Variants in TDRD5 observed in about 807,000 individuals in gnomAD.
TDRD5 encodes tudor domain containing 5.
TDRD5 carries 41 observed loss-of-function variants against 120.6 expected under a neutral mutation model. That is an observed-to-expected ratio of 0.34 (90% CI 0.26 to 0.44). TDRD5 has a LOEUF of 0.44. Among genes scored for constraint, TDRD5 ranks in the 20% least tolerant of loss-of-function variants. The probability of loss-of-function intolerance (pLI) is 1.00; values close to 1 mark genes in which losing one functional copy is unlikely to be tolerated. For synonymous variants in TDRD5, 430 were observed against 433.7 expected (o/e 0.99, Z 0.11); for missense variants, 1,006 against 1,221.2 (o/e 0.82, Z 2.63).
Position 179,654,234 on chromosome 1 carries a change from C to T in TDRD5, c.2194C>T (p.Leu732Phe). ...DINDEKSLSH[L>F]KSESKEPLKD... The stretch of plus-strand genomic sequence containing the variant: ...TAATGATGAAAAGTCTTTAAGTCAT[C>T]TTAAATCTGAGTCAAAGGAGCCATT... Residue 732 changes from leucine to phenylalanine, a missense_variant, in exon 14 of 18, where the codon CTT becomes TTT. By Grantham distance (22) the Leu-to-Phe change is conservative. Around this residue, in one of 3 missense-constraint regions of TDRD5, gnomAD observed 403 missense variants for 448.1 expected, o/e 0.90. Transcript: ENST00000444136. 6.5e-7 allele frequency: 1 copy of T among 1,547,854 alleles called. No individual in the cohort carries two copies.
chr1:179,631,248 C>T (rs1677430749), intron 7 of TDRD5, among the ~76,000 whole-genome samples: 1 of 152,040 alleles, frequency 6.6e-6, no homozygotes, highest in Admixed American at 6.6e-5. Flanking sequence ...AAAAACTAGC[C>T]AGGCGTGGTG....
chr1:179,650,766 C>T, intron 11 of TDRD5, 101 bp from the exon 12 acceptor site: 1 of 1,206,898 alleles, frequency 8.3e-7, no homozygotes, highest in Non-Finnish European at 1.2e-6. Context: ...GGTTTTATTT[C>T]CACTTAAATC....
At chr1:179,643,301 TC>T (rs1315569168) in intron 11 of TDRD5, among the ~76,000 whole-genome samples, 1 of 152,220 alleles carries the variant, frequency 6.6e-6, no homozygotes, top group Non-Finnish European at 1.5e-5. Context: ...TGTTTACTAT[TC>T]AACTAAAAAT....
chr1:179,654,067 A>G, intron 13 of TDRD5, 134 bp from the exon 14 acceptor site: 1 of 676,460 alleles, frequency 1.5e-6, no homozygotes, highest in East Asian at 3.0e-5. Context: ...ACCTAGGATC[A>G]TGGATAAAGC....
At chr1:179,639,316 C>T (rs2102023483) in intron 9 of TDRD5, among the ~76,000 whole-genome samples, 1 of 152,186 alleles carries the variant, frequency 6.6e-6, no homozygotes, top group Middle Eastern at 3.4e-3. Context: ...GTTATTGGTT[C>T]CTAAGCTTAT....
At position 179,593,600 on chromosome 1, in the gene TDRD5, G is replaced by A. The variant is rs775241700; in HGVS notation, c.373G>A (p.Gly125Arg). Residue 125 changes from glycine to arginine, a missense_variant, in exon 3 of 18, where the codon GGA (glycine) becomes AGA (arginine). Around this residue, in one of 3 missense-constraint regions of TDRD5, gnomAD observed 445 missense variants for 515.5 expected, o/e 0.86. Coordinates refer to ENST00000444136, the MANE Select transcript of TDRD5 (RefSeq NM_001199085.3). ...ATCTCATCGGCGAGTACCTTACCGAGGAAGGGTTGCCCCTATTCTTCCAGC... is the reference window on the plus strand; with the variant it reads ...ATCTCATCGGCGAGTACCTTACCGAAGAAGGGTTGCCCCTATTCTTCCAGC... ...PRSHRRVPYR[G>R]RVAPILPAVV... 131 of 1,614,116 alleles carry A rather than the reference G, an allele frequency of 8.1e-5. No homozygotes were observed. Among genetic ancestry groups the A allele is most frequent in the Non-Finnish European group, 1.1e-4 (131 of 1,180,048 alleles).
chr1:179,637,911 A>G (rs1029319287), intron 9 of TDRD5, among the ~76,000 whole-genome samples: 31 of 152,230 alleles, frequency 2.0e-4, no homozygotes, highest in African/African-American at 7.2e-4. Context: ...TTCACAAAAG[A>G]GATAATTGAG....
At chr1:179,628,186 C>G (rs947939440) in intron 6 of TDRD5, among the ~76,000 whole-genome samples, 1 of 151,788 alleles carries the variant, frequency 6.6e-6, no homozygotes, top group African/African-American at 2.4e-5. Flanking sequence ...ATCATGTAAA[C>G]AGGATATATA....
chr1:179,619,195 C>A (rs1359584661), intron 5 of TDRD5, among the ~76,000 whole-genome samples: 1 of 152,178 alleles, frequency 6.6e-6, no homozygotes, highest in Non-Finnish European at 1.5e-5. Context: ...AAATTGCCCT[C>A]TAAAATGCTT....
intron 11 of TDRD5, among the ~76,000 whole-genome samples, 196 bp from the exon 12 acceptor site, chr1:179,650,671 C>A (rs1368778009): frequency 2.0e-5 from 3 of 152,066 alleles, no homozygotes; most frequent in Non-Finnish European, 2.9e-5. Context: ...TCAGTAATTA[C>A]ATTTTTTATC....
chr1:179,639,695 G>T, intron 9 of TDRD5, 144 bp from the exon 10 acceptor site: 2 of 722,880 alleles, frequency 2.8e-6, no homozygotes, highest in Non-Finnish European at 4.5e-6. Context: ...ACAATTAATT[G>T]GTATTAATGA....
At chr1:179,646,800 T>C (rs1321915369) in intron 11 of TDRD5, among the ~76,000 whole-genome samples, 3 of 152,076 alleles carry the variant, frequency 2.0e-5, no homozygotes, top group East Asian at 1.9e-4. Context: ...AGCATTCTTA[T>C]ACACCAACAA....
chr1:179,642,963 ATTGT>A (rs1252947146), intron 11 of TDRD5, among the ~76,000 whole-genome samples: 1 of 152,198 alleles, frequency 6.6e-6, no homozygotes, highest in African/African-American at 2.4e-5. Flanking sequence ...ATTATAAGAC[ATTGT>A]TTGGAAATGG....
At chr1:179,657,835 A>G (rs1679088567) in intron 14 of TDRD5, among the ~76,000 whole-genome samples, 1 of 152,130 alleles carries the variant, frequency 6.6e-6, no homozygotes, top group Non-Finnish European at 1.5e-5. Context: ...ATTACCTCAC[A>G]TATTTGTTAT....
At chr1:179,648,239 C>T (rs1245430469) in intron 11 of TDRD5, among the ~76,000 whole-genome samples, 2 of 145,944 alleles carry the variant, frequency 1.4e-5, no homozygotes, top group Non-Finnish European at 3.0e-5. Flanking sequence ...AAATGTGGCA[C>T]ATATACACCA....
chr1:179,683,789 A>T (rs1558430247), intron 17 of TDRD5, among the ~76,000 whole-genome samples: 2 of 151,654 alleles, frequency 1.3e-5, no homozygotes, highest in Non-Finnish European at 2.9e-5. Context: ...GTTGCTGAAC[A>T]CGTTGCTTAG....
chr1:179,667,082 G>A lies in TDRD5; in HGVS notation c.2650-2112G>A, dbSNP rs981871743. Among the ~76,000 whole-genome samples, 21 of 152,182 alleles carry A rather than the reference G, an allele frequency of 1.4e-4. 1 individual carries two copies. Among genetic ancestry groups the A allele is most frequent in the Admixed American group, 8.5e-4 (13 of 15,286 alleles). On this transcript the variant is annotated intron_variant, in intron 16 of 17. Transcript: ENST00000444136. The stretch of plus-strand genomic sequence containing the variant: ...TGCAGATTCTTATCCAGCATATCTG[G>A]GGTAGGGACCAAAGCTCTTCATGTC...
rs190276819 is a variant in TDRD5 at position 179,602,240 on chromosome 1, T to C, written c.831+6422T>C. ...CATCTGTTTTTTGATTTTTTGATGA[T>C]GGCCATTCTTGCAGGAGTAAGGTAG... On this transcript the variant is annotated intron_variant, in intron 4 of 17. Transcript: ENST00000444136. Among the ~76,000 whole-genome samples the C allele has an allele frequency of 1.7e-3, 262 of 152,386 alleles. 1 individual carries two copies. Among genetic ancestry groups the C allele is most frequent in the Middle Eastern group, 3.4e-3 (1 of 294 alleles).
chr1:179,669,848 T>G (rs781774957), intron 17 of TDRD5, among the ~76,000 whole-genome samples: 5 of 152,234 alleles, frequency 3.3e-5, no homozygotes, highest in Admixed American at 1.3e-4. Context: ...TATGTGTAGT[T>G]TTTATGTCTG....
Sources: gnomAD v4.1 joint callset for allele counts (sites outside exome capture counted in the v4.1 genomes callset) on GRCh38, gnomAD v4.1.1 for gene constraint, gnomAD v4.1.1 regional missense constraint, MANE v1.5 for transcripts, NCBI Gene and HGNC (gene_info 2026-07-23, HGNC 2026-07-21) for gene names.